Variants in RBM4B observed in about 807,000 individuals in gnomAD.
The protein encoded by RBM4B is RNA binding motif protein 4B, also known as RNA-binding protein 4B.
In RBM4B, 13 loss-of-function variants were observed where a neutral mutation model predicts 28.5. That is an observed-to-expected ratio of 0.46 (90% CI 0.30 to 0.72). The LOEUF is 0.72. RBM4B is among the 30% of genes least tolerant of loss of function. The pLI is 0.09. For synonymous variants in RBM4B, 167 were observed against 179.1 expected (o/e 0.93, Z 0.54); for missense variants, 387 against 477.6 (o/e 0.81, Z 1.77).
Position 66,668,816 on chromosome 11 carries a change from G to A in RBM4B, c.888C>T (p.Ser296=). 1 of 1,614,228 alleles carries A rather than the reference G, an allele frequency of 6.2e-7. No homozygotes were observed. The highest frequency in any genetic ancestry group is 1.7e-5 in the Admixed American group (1 of 60,020). The change falls in exon 3 of 4, where the codon TCC becomes TCT. Residue 296 remains serine, a synonymous_variant. Coordinates refer to ENST00000310046, the MANE Select transcript of RBM4B (RefSeq NM_031492.4). The part of the protein sequence containing the change: ...AAMAAAAATT[S]SYYGRDRSPL... ...GGCTCCTGTCCCTTCCATAGTAGGA[G>A]GAAGTGGTGGCTGCAGCAGCAGCCA... is the stretch of plus-strand genomic sequence containing the variant.
intron 2 of RBM4B, among the ~76,000 whole-genome samples, chr11:66,669,693 G>A (rs1193170754): frequency 2.6e-5 from 4 of 152,356 alleles, no homozygotes; most frequent in South Asian, 2.1e-4. Flanking sequence ...TGATCCGCCC[G>A]CCTTGGCCTC....
intron 3 of RBM4B, 185 bp from the exon 4 acceptor site, chr11:66,665,763 A>G: frequency 2.3e-6 from 3 of 1,311,234 alleles, no homozygotes; most frequent in Non-Finnish European, 3.1e-6. Context: ...AGCTATATAT[A>G]GGAATCCACT....
At chr11:66,672,354 G>A (rs1474443139) in intron 2 of RBM4B, among the ~76,000 whole-genome samples, 1 of 131,080 alleles carries the variant, frequency 7.6e-6, no homozygotes, top group African/African-American at 2.8e-5. Context: ...AGGCTGCAGT[G>A]AGCTGAGATT....
chr11:66,670,996 G>C (rs1212461181), intron 2 of RBM4B: 6 of 702,450 alleles, frequency 8.5e-6, no homozygotes, highest in Admixed American at 2.0e-5. Flanking sequence ...GTTGGAAATA[G>C]CCCTATTGAG....
At chr11:66,672,441 A>C (rs962428447) in intron 2 of RBM4B, among the ~76,000 whole-genome samples, 6 of 148,728 alleles carry the variant, frequency 4.0e-5, no homozygotes, top group Non-Finnish European at 6.0e-5. Context: ...CCACAAAAAA[A>C]CCAAAACAAC....
intron 3 of RBM4B, 136 bp downstream of exon 3, chr11:66,668,479 T>C: frequency 3.0e-6 from 2 of 664,646 alleles, no homozygotes; most frequent in Non-Finnish European, 5.1e-6. Context: ...TAGAGAAATA[T>C]TGAAGACTAA....
chr11:66,672,201 G>C (rs1590885525), intron 2 of RBM4B, among the ~76,000 whole-genome samples: 1 of 151,860 alleles, frequency 6.6e-6, no homozygotes, highest in East Asian at 2.0e-4. Flanking sequence ...GAGGCCAGAA[G>C]TTCGAGACCA....
At chr11:66,671,270 A>C (rs1939455789) in intron 2 of RBM4B, among the ~76,000 whole-genome samples, 1 of 152,238 alleles carries the variant, frequency 6.6e-6, no homozygotes, top group Admixed American at 6.5e-5. Flanking sequence ...CAGAGATTTA[A>C]ATGCTCCTAA....
At chr11:66,665,923 C>T (rs1590878044) in intron 3 of RBM4B, 1 of 1,535,440 alleles carries the variant, frequency 6.5e-7, no homozygotes, top group Non-Finnish European at 8.7e-7. Flanking sequence ...TTTTCAAGAA[C>T]TGCAATTTAA....
intron 3 of RBM4B, chr11:66,666,181 A>C (rs1005301733): frequency 2.4e-5 from 20 of 842,372 alleles, no homozygotes; most frequent in Non-Finnish European, 3.2e-5. Context: ...TTGCCAAATC[A>C]AAAGAAATCA....
chr11:66,666,038 G>A, intron 3 of RBM4B: 2 of 1,302,090 alleles, frequency 1.5e-6, no homozygotes, highest in Non-Finnish European at 2.1e-6. Context: ...CAAGCTTTCA[G>A]AAATGATGGT....
chr11:66,670,307 C>G (rs1172658051), intron 2 of RBM4B, among the ~76,000 whole-genome samples: 2 of 142,720 alleles, frequency 1.4e-5, no homozygotes, highest in Non-Finnish European at 3.0e-5. Flanking sequence ...GATCTTGAAA[C>G]AGTACTGCTT....
At chr11:66,667,271 C>A (rs1169873880) in intron 3 of RBM4B, 1 of 152,172 alleles carries the variant, frequency 6.6e-6, no homozygotes, top group Non-Finnish European at 1.5e-5. Context: ...CAAAATTATT[C>A]TTGGCATTTT....
At chr11:66,665,938 G>C in intron 3 of RBM4B, 1 of 1,534,952 alleles carries the variant, frequency 6.5e-7, no homozygotes, top group Non-Finnish European at 8.7e-7. Flanking sequence ...ATTTAATTTT[G>C]GAGTCCAGGA....
At chr11:66,669,878 T>C (rs1364789356) in intron 2 of RBM4B, among the ~76,000 whole-genome samples, 1 of 152,242 alleles carries the variant, frequency 6.6e-6, no homozygotes, top group Non-Finnish European at 1.5e-5. Flanking sequence ...TTTTTCCCCT[T>C]ATACACAACA....
At chr11:66,673,183 GA>G (rs890484384) in intron 2 of RBM4B, among the ~76,000 whole-genome samples, 1,796 of 141,980 alleles carry the variant, frequency 0.013, 11 homozygotes, top group Admixed American at 0.019. Flanking sequence ...TACATATAGG[GA>G]AAAAAAAAAA....
chr11:66,674,190 T>G (rs2135247988), intron 2 of RBM4B, among the ~76,000 whole-genome samples: 1 of 151,752 alleles, frequency 6.6e-6, no homozygotes, highest in East Asian at 1.9e-4. Context: ...TTTTTTTTTT[T>G]TTTATTAACT....
intron 2 of RBM4B, chr11:66,670,858 G>A: frequency 2.9e-6 from 2 of 698,120 alleles, no homozygotes; most frequent in South Asian, 1.5e-5. Flanking sequence ...AAAAGAACAG[G>A]GCTTCTCATT....
intron 1 of RBM4B, chr11:66,677,475 C>T (rs1171102477): frequency 4.6e-6 from 1 of 217,486 alleles, no homozygotes; most frequent in African/African-American, 2.3e-5. Context: ...CCTGCGCGCA[C>T]TAGCGCCTTT....
Sources: gnomAD v4.1 joint callset for allele counts (sites outside exome capture counted in the v4.1 genomes callset) on GRCh38, gnomAD v4.1.1 for gene constraint, MANE v1.5 for transcripts, NCBI Gene and HGNC (gene_info 2026-07-23, HGNC 2026-07-21) for gene names.